KCNG1: variants seen among roughly 807,000 people sequenced by gnomAD.
KCNG1 encodes the protein voltage-gated potassium channel regulatory subunit KCNG1.
Under a neutral mutation model 32.4 loss-of-function variants are expected in KCNG1, and 17 were observed. The ratio of observed to expected loss-of-function variants is 0.52; its 90% confidence interval spans 0.36 to 0.79. The LOEUF (loss-of-function observed/expected upper bound fraction) is 0.79. Ranked by LOEUF, KCNG1 falls within the 30% of genes least tolerant of loss-of-function variation. KCNG1 has a pLI of 0.00. For synonymous variants in KCNG1, 358 were observed against 339.9 expected, an observed-to-expected ratio of 1.05 and a Z score of -0.59; for missense variants, 441 against 735.2, an observed-to-expected ratio of 0.60 and a Z score of 4.63.
rs933793839 is a variant in KCNG1 at position 51,008,444 on chromosome 20, C to T, written c.774+1121G>A. On this transcript the variant is annotated intron_variant, in intron 2 of 2. Transcript: ENST00000371571. ...TCCCAGGCTCAAGCAATCCTCCTGC[C>T]TCAGCCTCCCAAGTAGCTAGGACTA... 3.9e-5 allele frequency among the ~76,000 whole-genome samples: 6 copies of T among 152,180 alleles called. 1 individual carries two copies. The highest frequency in any genetic ancestry group is 6.3e-3 in the Middle Eastern group (2 of 316).
chr20:51,021,728 C>A (rs747582038), intron 1 of KCNG1, among the ~76,000 whole-genome samples: 7 of 152,062 alleles, frequency 4.6e-5, no homozygotes, highest in East Asian at 3.9e-4. Context: ...TGCCTGGCAC[C>A]CTTTAAGTGC....
In KCNG1 at chr20:51,004,310, G is replaced by A; in HGVS notation, c.1271C>T (p.Thr424Met). The A allele has an allele frequency of 1.2e-6, 2 of 1,613,546 alleles. No homozygotes were observed. Among genetic ancestry groups the A allele is most frequent in the Non-Finnish European group, 1.7e-6 (2 of 1,179,506 alleles). ...CYWWAVITMT[T>M]VGYGDMVPRS... is the part of the protein sequence containing the mutation. The stretch of plus-strand genomic sequence containing the variant: ...GGGGACCATGTCGCCATAGCCCACC[G>A]TCGTCATGGTGATGACAGCCCACCA... The change falls in exon 3 of 3, where the codon ACG (threonine) becomes ATG (methionine). Residue 424 changes from threonine to methionine, a missense_variant. Physicochemically the swap from Thr to Met is moderately conservative, Grantham distance 81. This residue lies in a region of KCNG1 where 12 missense variants were observed against 51.4 expected (regional missense o/e 0.23). Transcript: ENST00000371571. The surrounding 1 kb of genome is among the most constrained non-coding windows in gnomAD (Gnocchi z 4.3).
chr20:51,018,573 G>A (rs185762594), intron 1 of KCNG1, among the ~76,000 whole-genome samples: 57 of 152,278 alleles, frequency 3.7e-4, no homozygotes, highest in African/African-American at 1.4e-3. Context: ...CAGAGAGAGC[G>A]CTAACTGCAC....
chr20:51,007,044 T>C (rs1053830257), intron 2 of KCNG1: 1 of 152,292 alleles, frequency 6.6e-6, no homozygotes, highest in Non-Finnish European at 1.5e-5. Context: ...CTACCCTTCA[T>C]GCTTATTGAA....
At chr20:51,018,079 G>A (rs1394950352) in intron 1 of KCNG1, among the ~76,000 whole-genome samples, 1 of 152,196 alleles carries the variant, frequency 6.6e-6, no homozygotes, top group Non-Finnish European at 1.5e-5. Flanking sequence ...GTTCTGAGTG[G>A]CAGTTCTCAC....
chr20:51,017,216 C>A (rs1410089168), intron 1 of KCNG1, among the ~76,000 whole-genome samples: 4 of 152,158 alleles, frequency 2.6e-5, no homozygotes, highest in African/African-American at 9.7e-5. Flanking sequence ...ATTATGGAAG[C>A]CTGCAGATTG....
At chr20:51,020,654 C>T (rs541706230) in intron 1 of KCNG1, among the ~76,000 whole-genome samples, 1 of 152,246 alleles carries the variant, frequency 6.6e-6, no homozygotes, top group African/African-American at 2.4e-5. Context: ...ATGCAACAAC[C>T]AAGGGTAGAT....
intron 2 of KCNG1, 40 bp downstream of exon 2, chr20:51,009,525 C>A (rs370574877): frequency 1.5e-4 from 231 of 1,531,496 alleles, no homozygotes; most frequent in Non-Finnish European, 1.9e-4. Flanking sequence ...AGTCCCTTCC[C>A]TCGTGGTGGC....
chr20:51,014,677 C>A (rs920900904), intron 1 of KCNG1, among the ~76,000 whole-genome samples: 1 of 152,206 alleles, frequency 6.6e-6, no homozygotes, highest in African/African-American at 2.4e-5. Context: ...ACGGAGGTGA[C>A]CTTCTGGTGG....
intron 1 of KCNG1, among the ~76,000 whole-genome samples, chr20:51,012,952 T>C (rs929102667): frequency 1.3e-5 from 2 of 152,196 alleles, no homozygotes; most frequent in African/African-American, 4.8e-5. Flanking sequence ...CAGAGCTCTC[T>C]GGAATTAAGC....
chr20:51,019,573 A>G (rs569394928), intron 1 of KCNG1, among the ~76,000 whole-genome samples: 1 of 152,332 alleles, frequency 6.6e-6, no homozygotes, highest in Admixed American at 6.5e-5. Flanking sequence ...GTGTGCAAGT[A>G]TGTGAAAGGA....
intron 1 of KCNG1, among the ~76,000 whole-genome samples, chr20:51,020,595 G>T (rs1201198315): frequency 6.6e-6 from 1 of 152,056 alleles, no homozygotes; most frequent in Admixed American, 6.5e-5. Context: ...TATTTAGAGG[G>T]GCTTTACCAG....
chr20:51,014,734 G>A (rs1037756930), intron 1 of KCNG1, among the ~76,000 whole-genome samples: 6 of 152,200 alleles, frequency 3.9e-5, no homozygotes, highest in African/African-American at 7.2e-5. Context: ...AGGCTGCAGC[G>A]ACTGCAGTGT....
chr20:51,009,634 G>C lies in KCNG1; in HGVS notation c.705C>G (p.Leu235=). ...GGTTGACGGCGGTGACGGTCACGAA[G>C]AGCACCGACAGGCAGGCGAACACCT... ...PGKVFACLSV[L]FVTVTAVNLS... Residue 235 remains leucine (L), a synonymous_variant, in exon 2 of 3, where the codon CTC becomes CTG. Transcript: ENST00000371571. The C allele has an allele frequency of 1.9e-6, 3 of 1,610,698 alleles. No individual in the cohort carries two copies. The highest frequency in any genetic ancestry group is 2.5e-6 in the Non-Finnish European group (3 of 1,179,734).
intron 1 of KCNG1, among the ~76,000 whole-genome samples, chr20:51,020,389 C>A (rs890455758): frequency 6.6e-6 from 1 of 152,016 alleles, no homozygotes; most frequent in East Asian, 1.9e-4. Flanking sequence ...CGGACCTGCC[C>A]GGGGAGGTGT....
At chr20:51,014,661 G>A (rs1307541719) in intron 1 of KCNG1, among the ~76,000 whole-genome samples, 2 of 152,248 alleles carry the variant, frequency 1.3e-5, no homozygotes, top group Non-Finnish European at 2.9e-5. Flanking sequence ...CCTAGGCCCT[G>A]TCCTCACGGA....
rs770638495 is a variant in KCNG1 at position 51,009,717 on chromosome 20, G to A, written c.622C>T (p.Arg208Cys). The change falls in exon 2 of 3, where the codon CGC becomes TGC. Residue 208 changes from arginine (R) to cysteine (C), a missense_variant. Physicochemically the swap from Arg to Cys is radical, Grantham distance 180. Coordinates refer to ENST00000371571, the MANE Select transcript of KCNG1 (RefSeq NM_002237.4). ...GPAEGEGRLG[R>C]CMRRLRDMVE... ...ATGTCGCGCAGTCGCCGCATGCAGC[G>A]CCCCAGGCGGCCCTCGCCCTCGGCC... The A allele has an allele frequency of 1.2e-6, 2 of 1,604,442 alleles. No individual in the cohort carries two copies. The highest frequency in any genetic ancestry group is 1.7e-6 in the Non-Finnish European group (2 of 1,178,172).
chr20:51,006,748 T>G (rs2123214331), intron 2 of KCNG1: 1 of 152,440 alleles, frequency 6.6e-6, no homozygotes, highest in South Asian at 2.1e-4. Context: ...GTCAGGCTGG[T>G]CTCGAACTCC....
At chr20:51,008,523 G>T (rs1014015915) in intron 2 of KCNG1, among the ~76,000 whole-genome samples, 4 of 151,716 alleles carry the variant, frequency 2.6e-5, no homozygotes, top group Non-Finnish European at 5.9e-5. Context: ...CGTAAAGACG[G>T]GGTCTCACTA....
Sources: allele counts gnomAD v4.1 joint callset (sites outside exome capture counted in the v4.1 genomes callset), GRCh38; gene constraint gnomAD v4.1.1; regional missense constraint gnomAD v4.1.1; non-coding constraint Gnocchi (gnomAD v3.1); transcripts MANE v1.5; gene names NCBI Gene and HGNC (gene_info 2026-07-23, HGNC 2026-07-21).